SRRM4: variants seen among roughly 807,000 people sequenced by gnomAD.
SRRM4 encodes serine/arginine repetitive matrix 4.
SRRM4 carries 33 observed loss-of-function variants against 68.9 expected under a neutral mutation model. That is an observed-to-expected ratio of 0.48 (90% CI 0.36 to 0.64). SRRM4 has a LOEUF of 0.64. Among genes scored for constraint, SRRM4 ranks in the 30% least tolerant of loss-of-function variants. The probability of loss-of-function intolerance (pLI) is 0.00; values close to 1 mark genes in which losing one functional copy is unlikely to be tolerated. For missense variants in SRRM4, 817 were observed against 827.1 expected (o/e 0.99, Z 0.15); for synonymous variants, 318 against 318.8 (o/e 1.00, Z 0.03).
At chr12:119,011,115 G>A (rs1330343922) in intron 1 of SRRM4, among the ~76,000 whole-genome samples, 1 of 152,104 alleles carries the variant, frequency 6.6e-6, no homozygotes, top group Non-Finnish European at 1.5e-5. Flanking sequence ...CTTTATCTCT[G>A]TGACTACATA....
At chr12:119,009,954 T>A (rs1953438610) in intron 1 of SRRM4, among the ~76,000 whole-genome samples, 1 of 152,256 alleles carries the variant, frequency 6.6e-6, no homozygotes, top group East Asian at 1.9e-4. Flanking sequence ...TGTTCTTTAC[T>A]GCTGTAACTG....
chr12:119,137,755 T>C (rs1247900298), intron 8 of SRRM4, among the ~76,000 whole-genome samples: 1 of 152,098 alleles, frequency 6.6e-6, no homozygotes, highest in East Asian at 1.9e-4. Context: ...AAAATTAAAT[T>C]TTAAAATGTC....
chr12:119,031,861 T>G (rs1953594019), intron 1 of SRRM4, among the ~76,000 whole-genome samples: 1 of 152,200 alleles, frequency 6.6e-6, no homozygotes, highest in African/African-American at 2.4e-5. Flanking sequence ...AATGCATATC[T>G]TAGATATTTT....
At chr12:119,056,022 C>A (rs1953773896) in intron 1 of SRRM4, among the ~76,000 whole-genome samples, 1 of 152,200 alleles carries the variant, frequency 6.6e-6, no homozygotes, top group South Asian at 2.1e-4. Context: ...CTGGGCCCCT[C>A]CAGTCTCTCC....
intron 1 of SRRM4, among the ~76,000 whole-genome samples, chr12:119,079,583 T>C (rs1429060633): frequency 6.6e-6 from 1 of 152,122 alleles, no homozygotes; most frequent in African/African-American, 2.4e-5. Context: ...AGAAAAGCCA[T>C]TTACTCATGT....
chr12:119,160,868 T>C lies in SRRM4; in HGVS notation c.*4070T>C, dbSNP rs1010241901. 1.3e-5 allele frequency: 2 copies of C among 152,232 alleles called. No homozygotes were observed. The highest frequency in any genetic ancestry group is 4.8e-5 in the African/African-American group (2 of 41,458). 9.4% of individuals were successfully genotyped at this position (152,232 alleles called of 1,614,324 possible). A position where few individuals can be genotyped will look rare whatever the true frequency, so the allele number is the denominator to read the frequency against. On this transcript the variant is annotated 3_prime_UTR_variant, in exon 13 of 13. Transcript: ENST00000267260. ...CTCCCTTCAGTTAATTAGGCAAGGCTAAGTAACTCAAAGCCCCCTATTAGT... is the reference window on the plus strand; with the variant it reads ...CTCCCTTCAGTTAATTAGGCAAGGCCAAGTAACTCAAAGCCCCCTATTAGT...
chr12:119,079,789 G>A lies in SRRM4; in HGVS notation c.132-22447G>A, dbSNP rs1226618882. Reference sequence around the variant, plus strand: ...TCCTTTCCACCCATGAAACTGTTGGGATCGCCTAGTCAATTACTAGTCAAG... The same window carrying A: ...TCCTTTCCACCCATGAAACTGTTGGAATCGCCTAGTCAATTACTAGTCAAG... On this transcript the variant is annotated intron_variant, in intron 1 of 12. Transcript: ENST00000267260. Among the ~76,000 whole-genome samples, 3 of 152,084 alleles carry A rather than the reference G, an allele frequency of 2.0e-5. No individual in the cohort carries two copies. In the East Asian group the frequency reaches 5.8e-4, roughly 29 times the overall value.
At chr12:119,014,212 TA>T (rs1471100776) in intron 1 of SRRM4, among the ~76,000 whole-genome samples, 1 of 152,230 alleles carries the variant, frequency 6.6e-6, no homozygotes, top group Non-Finnish European at 1.5e-5. Context: ...TTCTTTTTTT[TA>T]ATTTGTAAGA....
intron 1 of SRRM4, among the ~76,000 whole-genome samples, chr12:119,017,053 G>A (rs886706980): frequency 2.6e-5 from 4 of 152,234 alleles, no homozygotes; most frequent in Non-Finnish European, 5.9e-5. Context: ...TAAATAAACA[G>A]CAAACTTTAA....
At chr12:119,102,726 G>A (rs555244558) in intron 2 of SRRM4, among the ~76,000 whole-genome samples, 21 of 152,240 alleles carry the variant, frequency 1.4e-4, no homozygotes, top group African/African-American at 1.9e-4. Flanking sequence ...AAATGATAGC[G>A]TTCCTTTGCA....
At chr12:119,093,379 G>A (rs1435017111) in intron 1 of SRRM4, among the ~76,000 whole-genome samples, 1 of 152,160 alleles carries the variant, frequency 6.6e-6, no homozygotes, top group Non-Finnish European at 1.5e-5. Context: ...CCTAGATCTT[G>A]TACCAAGGAT....
intron 1 of SRRM4, among the ~76,000 whole-genome samples, chr12:119,088,523 T>C (rs1320524004): frequency 6.6e-6 from 1 of 152,212 alleles, no homozygotes; most frequent in Non-Finnish European, 1.5e-5. Context: ...CTGCAATACG[T>C]AAGGTATTAT....
intron 1 of SRRM4, among the ~76,000 whole-genome samples, chr12:119,079,245 C>T (rs1953933636): frequency 6.6e-6 from 1 of 152,294 alleles, no homozygotes; most frequent in South Asian, 2.1e-4. Flanking sequence ...GAAACAAGAA[C>T]TTCAGAAATG....
intron 4 of SRRM4, among the ~76,000 whole-genome samples, chr12:119,117,809 C>T (rs543362144): frequency 9.2e-5 from 14 of 152,068 alleles, no homozygotes; most frequent in South Asian, 8.3e-4. Context: ...CTATTTGGGA[C>T]GCTGAGGCAG....
intron 2 of SRRM4, among the ~76,000 whole-genome samples, chr12:119,107,924 T>A (rs1411244947): frequency 6.6e-6 from 1 of 152,256 alleles, no homozygotes; most frequent in African/African-American, 2.4e-5. Context: ...CAATTTTAGA[T>A]CTTTCCTGCT....
rs181644811 is a variant in SRRM4, at chr12:119,092,612, T to C, written c.132-9624T>C. ...TTCTACCTTCAATAAAAGTCCATAA[T>C]CTGGCCACCTCTCATCACTACTGCA... On this transcript the variant is annotated intron_variant, in intron 1 of 12. Transcript: ENST00000267260. Among the ~76,000 whole-genome samples the C allele has an allele frequency of 6.1e-4, 93 of 152,160 alleles. 1 individual carries two copies. The highest frequency in any genetic ancestry group is 2.2e-3 in the African/African-American group (91 of 41,496).
At chr12:119,112,977 TA>T (rs201582668) in intron 2 of SRRM4, among the ~76,000 whole-genome samples, 4 of 150,082 alleles carry the variant, frequency 2.7e-5, no homozygotes, top group Admixed American at 6.6e-5. Context: ...AAATTAAAAT[TA>T]AAAAAAAACA....
chr12:119,106,487 A>G (rs961849492), intron 2 of SRRM4, among the ~76,000 whole-genome samples: 1 of 151,958 alleles, frequency 6.6e-6, no homozygotes, highest in Admixed American at 6.6e-5. Flanking sequence ...TATTTCATTG[A>G]GCAGTGGTTT....
At chr12:119,066,490 G>A (rs1400492964) in intron 1 of SRRM4, among the ~76,000 whole-genome samples, 1 of 152,198 alleles carries the variant, frequency 6.6e-6, no homozygotes, top group Non-Finnish European at 1.5e-5. Flanking sequence ...TCATTTGGGA[G>A]CTTGTTAGAA....
Sources: gnomAD v4.1 joint callset for allele counts (sites outside exome capture counted in the v4.1 genomes callset) on GRCh38, gnomAD v4.1.1 for gene constraint, MANE v1.5 for transcripts, NCBI Gene and HGNC (gene_info 2026-07-23, HGNC 2026-07-21) for gene names.